MLLT1: variants seen among roughly 807,000 people sequenced by gnomAD.
The protein encoded by MLLT1 is protein ENL.
In MLLT1, 11 loss-of-function variants were observed where a neutral mutation model predicts 55.1. The observed-to-expected ratio is 0.20, with a 90% CI of 0.13 to 0.33. The LOEUF is 0.33. Among genes scored for constraint, MLLT1 ranks in the 10% least tolerant of loss-of-function variants. The probability of loss-of-function intolerance (pLI) is 1.00; values close to 1 mark genes in which losing one functional copy is unlikely to be tolerated. For missense variants in MLLT1, 536 were observed against 760.6 expected (o/e 0.70, Z 3.47); for synonymous variants, 323 against 320.1 (o/e 1.01, Z -0.10).
At chr19:6,220,195 C>T (rs990162711) in intron 6 of MLLT1, among the ~76,000 whole-genome samples, 1 of 152,248 alleles carries the variant, frequency 6.6e-6, no homozygotes, top group African/African-American at 2.4e-5. Flanking sequence ...CAGCCACACA[C>T]AGCCTCTGGG....
intron 7 of MLLT1, 61 bp from the exon 8 acceptor site, chr19:6,216,574 G>A (rs1474655048): frequency 7.9e-7 from 1 of 1,270,898 alleles, no homozygotes; most frequent in Non-Finnish European, 1.1e-6. Context: ...AGCCTCCAGG[G>A]CCCCTCGCCC....
chr19:6,278,049 G>A (rs764407845), intron 1 of MLLT1, among the ~76,000 whole-genome samples: 1 of 152,122 alleles, frequency 6.6e-6, no homozygotes, highest in Non-Finnish European at 1.5e-5. Flanking sequence ...TGCCACAGGC[G>A]CCGAGATGGG....
At chr19:6,264,747 T>C (rs1472869476) in intron 2 of MLLT1, among the ~76,000 whole-genome samples, 1 of 151,130 alleles carries the variant, frequency 6.6e-6, no homozygotes, top group Non-Finnish European at 1.5e-5. Flanking sequence ...TACAAAAAAT[T>C]AGCCAGGCGT....
chr19:6,260,264 T>C (rs1446303049), intron 3 of MLLT1, among the ~76,000 whole-genome samples: 1 of 152,158 alleles, frequency 6.6e-6, no homozygotes, highest in Non-Finnish European at 1.5e-5. Context: ...TCCCTTTATC[T>C]ACAGGGCCAG....
chr19:6,242,687 C>A (rs1234351231), intron 3 of MLLT1, among the ~76,000 whole-genome samples: 3 of 152,170 alleles, frequency 2.0e-5, no homozygotes, highest in African/African-American at 7.2e-5. Flanking sequence ...GAAGAGGAAT[C>A]TGGCGTCAGG....
Position 6,227,965 on chromosome 19 carries a change from T to C in MLLT1, c.421-863A>G, listed in dbSNP as rs73555973. On this transcript the variant is annotated intron_variant, in intron 4 of 11. Transcript: ENST00000252674. The surrounding 1 kb of genome is among the most constrained non-coding windows in gnomAD (Gnocchi z 5.1). ...GTATTGAAGTCGGTAGAAGAAGCAC[T>C]GCTAACAGCCTTGAGCACCTGCAGT... Among the ~76,000 whole-genome samples, 5,963 of 152,272 alleles carry C rather than the reference T, an allele frequency of 0.039. 182 individuals carry two copies. The highest frequency in any genetic ancestry group is 0.074 in the African/African-American group (3,079 of 41,542).
In MLLT1 at chr19:6,229,505, C is replaced by A. The variant is rs1460878359; in HGVS notation, c.420+1065G>T. On this transcript the variant is annotated intron_variant, in intron 4 of 11. Transcript: ENST00000252674. This position sits in a 1 kb window ranked among gnomAD's most constrained non-coding sequence, Gnocchi z 5.2. ...AGGCGACCCACCCCACCCGCATACC[C>A]CACACGTCATACATGCCACATACAC... Among the ~76,000 whole-genome samples, 1 of 151,962 alleles carries A rather than the reference C, an allele frequency of 6.6e-6. No individual in the cohort carries two copies. Among genetic ancestry groups the A allele is most frequent in the Non-Finnish European group, 1.5e-5 (1 of 67,970 alleles).
chr19:6,230,553 G>T lies in MLLT1; in HGVS notation c.420+17C>A. ...GGTGGAGCGGCCCCTTGGCGGGCAG[G>T]GGCGGGGCACACTCACCCCGCCGGC... On this transcript the variant is annotated intron_variant, in intron 4 of 11. Coordinates refer to ENST00000252674, the MANE Select transcript of MLLT1 (RefSeq NM_005934.4). The surrounding 1 kb of genome is among the most constrained non-coding windows in gnomAD (Gnocchi z 9.0). 1.2e-6 allele frequency: 2 copies of T among 1,611,612 alleles called. No homozygotes were observed. The highest frequency in any genetic ancestry group is 1.1e-5 in the South Asian group (1 of 91,018).
At position 6,213,722 on chromosome 19, in the gene MLLT1, C is replaced by T. The variant is rs372503088; in HGVS notation, c.1479+4G>A. 4 of 1,612,558 alleles carry T rather than the reference C, an allele frequency of 2.5e-6. No homozygotes were observed. The highest frequency in any genetic ancestry group is 1.1e-5 in the South Asian group (1 of 91,046). Reference sequence around the variant, plus strand: ...TCCCCGCCTTGTCGTAGGTGCCCCCCCACCTTGTCGTAGGTGCCCTTCTTG... The same window carrying T: ...TCCCCGCCTTGTCGTAGGTGCCCCCTCACCTTGTCGTAGGTGCCCTTCTTG... On this transcript the variant is annotated splice_donor_region_variant and intron_variant, in intron 10 of 11. Coordinates refer to ENST00000252674, the MANE Select transcript of MLLT1 (RefSeq NM_005934.4).
At position 6,210,650 on chromosome 19, in the gene MLLT1, A is replaced by T. The variant is rs1256209552; in HGVS notation, c.*2392T>A. On this transcript the variant is annotated 3_prime_UTR_variant, in exon 12 of 12. Transcript: ENST00000252674. This position sits in a 1 kb window ranked among gnomAD's most constrained non-coding sequence, Gnocchi z 4.6. ...GCGTCGGTTTACATTTTTGTTCAGG[A>T]GAGAGCAAAACACAGAGATTTGCAC... The T allele has an allele frequency of 7.4e-5, 17 of 228,406 alleles. No homozygotes were observed. The highest frequency in any genetic ancestry group is 1.4e-4 in the Non-Finnish European group (16 of 115,088). The allele number at this position is 228,406 out of a possible 1,614,324, so 14.1% of individuals were successfully genotyped here.
chr19:6,212,863 G>T lies in MLLT1; in HGVS notation c.*179C>A. The T allele has an allele frequency of 2.1e-6, 2 of 971,382 alleles. No homozygotes were observed. Among genetic ancestry groups the T allele is most frequent in the Non-Finnish European group, 2.9e-6 (2 of 692,766 alleles). The allele number at this position is 971,382 out of a possible 1,614,324, so 60.2% of individuals were successfully genotyped here. On this transcript the variant is annotated 3_prime_UTR_variant, in exon 12 of 12. Transcript: ENST00000252674. Reference sequence around the variant, plus strand: ...CCAGCCCGGCCCCAGGGCTCCTGGCGATGGAGCGGGGAGAGTGGGCAGGGA... The same window carrying T: ...CCAGCCCGGCCCCAGGGCTCCTGGCTATGGAGCGGGGAGAGTGGGCAGGGA...
Position 6,231,599 on chromosome 19 carries a change from C to T in MLLT1, c.277-886G>A, listed in dbSNP as rs1164882327. Among the ~76,000 whole-genome samples the T allele has an allele frequency of 6.6e-6, 1 of 152,036 alleles. No homozygotes were observed. The highest frequency in any genetic ancestry group is 2.4e-5 in the African/African-American group (1 of 41,400). Reference sequence around the variant, plus strand: ...CGATCTCGGCTCACTGCAAGCTCCACCTCCCTGGTTCATGCCTGGAGCCTC... The same window carrying T: ...CGATCTCGGCTCACTGCAAGCTCCATCTCCCTGGTTCATGCCTGGAGCCTC... On this transcript the variant is annotated intron_variant, in intron 3 of 11. Transcript: ENST00000252674. The surrounding 1 kb of genome is among the most constrained non-coding windows in gnomAD (Gnocchi z 5.1).
rs566108399 is a variant in MLLT1 at position 6,227,219 on chromosome 19, G to A, written c.421-117C>T. 2.0e-5 allele frequency: 22 copies of A among 1,123,544 alleles called. No individual in the cohort carries two copies. The highest frequency in any genetic ancestry group is 5.9e-5 in the East Asian group (2 of 34,154). The allele number at this position is 1,123,544 out of a possible 1,614,324, so 69.6% of individuals were successfully genotyped here. A position where few individuals can be genotyped will look rare whatever the true frequency, so the allele number is the denominator to read the frequency against. On this transcript the variant is annotated intron_variant, in intron 4 of 11. Transcript: ENST00000252674. This position sits in a 1 kb window ranked among gnomAD's most constrained non-coding sequence, Gnocchi z 5.1. Reference sequence around the variant, plus strand: ...GGAGGGGAGAAGGGAGAGCCTGAGCGCTTTCCCGAAAGAATCCCAGGTGCT... The same window carrying A: ...GGAGGGGAGAAGGGAGAGCCTGAGCACTTTCCCGAAAGAATCCCAGGTGCT...
intron 3 of MLLT1, among the ~76,000 whole-genome samples, chr19:6,241,807 G>A (rs1490674152): frequency 6.6e-6 from 1 of 152,260 alleles, no homozygotes; most frequent in East Asian, 1.9e-4. Flanking sequence ...CATCCATGCG[G>A]CTTGTCACAA....
At chr19:6,217,893 G>T in intron 7 of MLLT1, 61 bp downstream of exon 7, 1 of 1,544,154 alleles carries the variant, frequency 6.5e-7, no homozygotes, top group Non-Finnish European at 8.7e-7. Flanking sequence ...ATGCCCATGT[G>T]GCCTGAGCTC....
At chr19:6,232,685 G>A (rs1426282204) in intron 3 of MLLT1, among the ~76,000 whole-genome samples, 1 of 152,236 alleles carries the variant, frequency 6.6e-6, no homozygotes, top group Non-Finnish European at 1.5e-5. Flanking sequence ...ACATGGATGA[G>A]TTGGTACCTT....
chr19:6,222,246 G>T lies in MLLT1; in HGVS notation c.985C>A (p.Pro329Thr). 1 of 1,613,102 alleles carries T rather than the reference G, an allele frequency of 6.2e-7. No homozygotes were observed. The stretch of plus-strand genomic sequence containing the variant: ...CTGGTGCTGCTCTTGTCCTTGGCCG[G>T]CTTCTTGTCCGAGAAGGAGGAGGAG... The part of the protein sequence containing the change: ...SSSSSFSDKK[P>T]AKDKSSTRGE... The change falls in exon 6 of 12, where the codon CCG (proline) becomes ACG (threonine). Residue 329 changes from proline to threonine, a missense_variant. Around this residue, in one of 3 missense-constraint regions of MLLT1, gnomAD observed 449 missense variants for 489.0 expected, o/e 0.92. Coordinates refer to ENST00000252674, the MANE Select transcript of MLLT1 (RefSeq NM_005934.4). The surrounding 1 kb of genome is among the most constrained non-coding windows in gnomAD (Gnocchi z 4.1).
intron 3 of MLLT1, among the ~76,000 whole-genome samples, chr19:6,233,850 A>G (rs1403695381): frequency 6.6e-6 from 1 of 152,152 alleles, no homozygotes; most frequent in Non-Finnish European, 1.5e-5. Flanking sequence ...TGAGGACTCA[A>G]ATGTGGCCAC....
chr19:6,253,029 C>A (rs528294195), intron 3 of MLLT1, among the ~76,000 whole-genome samples: 4 of 151,624 alleles, frequency 2.6e-5, no homozygotes, highest in African/African-American at 9.7e-5. Context: ...TTTGGGAGAC[C>A]GAAGTGGGCG....
Sources: allele counts gnomAD v4.1 joint callset (sites outside exome capture counted in the v4.1 genomes callset), GRCh38; gene constraint gnomAD v4.1.1; regional missense constraint gnomAD v4.1.1; non-coding constraint Gnocchi (gnomAD v3.1); transcripts MANE v1.5; gene names NCBI Gene and HGNC (gene_info 2026-07-23, HGNC 2026-07-21).